Variants in RNLS observed in about 807,000 individuals in gnomAD.
RNLS encodes renalase.
In RNLS, 39 loss-of-function variants were observed where a neutral mutation model predicts 39.8. The ratio of observed to expected loss-of-function variants is 0.98; its 90% confidence interval spans 0.76 to 1.28. The LOEUF (loss-of-function observed/expected upper bound fraction) is 1.28. Among genes scored for constraint, RNLS ranks in the 50% most tolerant of loss-of-function variants. The pLI is 0.00. For missense variants in RNLS, 410 were observed against 413.3 expected, an observed-to-expected ratio of 0.99 and a Z score of 0.07; for synonymous variants, 147 against 150.7, an observed-to-expected ratio of 0.98 and a Z score of 0.18.
At position 88,285,475 on chromosome 10, in the gene RNLS, T is replaced by G. The variant is rs531208546; in HGVS notation, c.908A>C (p.Gln303Pro). The change falls in exon 7 of 7, where the codon CAA becomes CCA. Residue 303 changes from glutamine to proline, a missense_variant. Gln to Pro is a moderately conservative substitution (Grantham distance 76). Transcript: ENST00000331772. The part of the protein sequence containing the change: ...VTNAAANCPG[Q>P]MTLHHKPFLA... Reference sequence around the variant, plus strand: ...GAAAGGTTTGTGATGCAGAGTCATTTGGCCAGGACAGTTGGCAGCAGCATT... The same window carrying G: ...GAAAGGTTTGTGATGCAGAGTCATTGGGCCAGGACAGTTGGCAGCAGCATT... 5.6e-6 allele frequency: 9 copies of G among 1,613,150 alleles called. No individual in the cohort carries two copies. Among genetic ancestry groups the G allele is most frequent in the African/African-American group, 2.7e-5 (2 of 74,978 alleles).
chr10:88,404,211 T>C (rs1564771848), intron 4 of RNLS, among the ~76,000 whole-genome samples: 1 of 152,132 alleles, frequency 6.6e-6, no homozygotes, highest in Non-Finnish European at 1.5e-5. Context: ...ACTTTGTTAT[T>C]ATACATGAGG....
intron 4 of RNLS, among the ~76,000 whole-genome samples, chr10:88,547,108 G>A (rs1389456529): frequency 6.6e-6 from 1 of 152,204 alleles, no homozygotes; most frequent in East Asian, 1.9e-4. Flanking sequence ...TTCTGAAGCA[G>A]TGATCCTAAA....
At chr10:88,394,111 C>T (rs977178999) in intron 4 of RNLS, among the ~76,000 whole-genome samples, 2 of 152,102 alleles carry the variant, frequency 1.3e-5, no homozygotes, top group Admixed American at 1.3e-4. Flanking sequence ...ATAGGCAATA[C>T]CATTAAGGAC....
chr10:88,500,460 T>C (rs542743877), intron 4 of RNLS, among the ~76,000 whole-genome samples: 7 of 152,182 alleles, frequency 4.6e-5, no homozygotes, highest in African/African-American at 1.7e-4. Context: ...GACTCTTGTT[T>C]AGGAACACGT....
intron 4 of RNLS, among the ~76,000 whole-genome samples, chr10:88,426,854 G>A (rs1854805531): frequency 6.6e-6 from 1 of 151,974 alleles, no homozygotes; most frequent in Non-Finnish European, 1.5e-5. Context: ...TACATGGGGA[G>A]GGGAAGCCCT....
chr10:88,474,134 T>C (rs1002197369), intron 4 of RNLS, among the ~76,000 whole-genome samples: 16 of 152,162 alleles, frequency 1.1e-4, no homozygotes, highest in African/African-American at 3.6e-4. Context: ...ATATAAAATA[T>C]GGTAATTGTG....
At chr10:88,343,610 T>A (rs1299129286) in intron 5 of RNLS, 6 of 985,162 alleles carry the variant, frequency 6.1e-6, no homozygotes, top group Non-Finnish European at 7.2e-6. Flanking sequence ...TTTTCCTCTA[T>A]TTTCCTTGTA....
At chr10:88,265,029 G>A in the RNLS span, among the ~76,000 whole-genome samples, 736 of 152,262 alleles carry the variant, frequency 4.8e-3, 4 homozygotes, top group Middle Eastern at 0.01. Context: ...GAGAGATGAG[G>A]ATCCAGTTTT....
Position 88,483,838 on chromosome 10 carries a change from T to C in RNLS, c.526+89065A>G, listed in dbSNP as rs549899448. ...CTCAAAATTACATTACAAAAGAACC[T>C]TACAAATTGGTAGTAGTAACTGAGA... On this transcript the variant is annotated intron_variant, in intron 4 of 6. Coordinates refer to ENST00000331772, the MANE Select transcript of RNLS (RefSeq NM_001031709.3). 2.0e-5 allele frequency among the ~76,000 whole-genome samples: 3 copies of C among 152,212 alleles called. No homozygotes were observed. In the South Asian group the frequency reaches 6.2e-4, roughly 32 times the overall value.
At chr10:88,481,446 T>C (rs1326944410) in intron 4 of RNLS, among the ~76,000 whole-genome samples, 1 of 152,172 alleles carries the variant, frequency 6.6e-6, no homozygotes, top group African/African-American at 2.4e-5. Flanking sequence ...TTAATTCCTA[T>C]ATTGATTTTC....
chr10:88,264,652 T>G, the RNLS span, among the ~76,000 whole-genome samples: 1,061 of 152,354 alleles, frequency 7.0e-3, 7 homozygotes, highest in African/African-American at 0.024. Context: ...AATTGTCTAT[T>G]CATGTCCTTA....
At chr10:88,561,228 G>C (rs571016005) in intron 4 of RNLS, among the ~76,000 whole-genome samples, 4 of 152,162 alleles carry the variant, frequency 2.6e-5, no homozygotes, top group Non-Finnish European at 4.4e-5. Flanking sequence ...ACATAGAGAC[G>C]TTGAGGGCAG....
At chr10:88,174,274 A>T in the RNLS span, among the ~76,000 whole-genome samples, 2 of 151,796 alleles carry the variant, frequency 1.3e-5, no homozygotes, top group African/African-American at 4.9e-5. Flanking sequence ...TCTGGCTAGA[A>T]CTTCCAGTAC....
At chr10:88,580,610 A>C (rs1367665091) in intron 3 of RNLS, among the ~76,000 whole-genome samples, 2 of 152,212 alleles carry the variant, frequency 1.3e-5, no homozygotes, top group Non-Finnish European at 2.9e-5. Flanking sequence ...TCTTTTTTAA[A>C]AGGTCCATTT....
the RNLS span, among the ~76,000 whole-genome samples, chr10:88,228,942 T>G: frequency 4.6e-5 from 7 of 152,192 alleles, no homozygotes; most frequent in African/African-American, 1.7e-4. Context: ...CTCAGACTTT[T>G]CTTTGCATTC....
the RNLS span, among the ~76,000 whole-genome samples, chr10:88,256,128 A>T: frequency 1.3e-5 from 2 of 152,230 alleles, no homozygotes. Flanking sequence ...AAGCGTTCCT[A>T]GTGTAAAGGC....
intron 4 of RNLS, among the ~76,000 whole-genome samples, chr10:88,393,864 A>G (rs982252257): frequency 1.5e-4 from 23 of 152,338 alleles, no homozygotes; most frequent in African/African-American, 5.3e-4. Flanking sequence ...AATGGAACAG[A>G]ACAGAGCCCT....
downstream of RNLS, among the ~76,000 whole-genome samples, chr10:88,279,474 G>A (rs532121135): frequency 2.6e-5 from 4 of 152,046 alleles, no homozygotes; most frequent in African/African-American, 4.8e-5. Context: ...CCTGCGGCTC[G>A]AGACAGAGAC....
At chr10:88,526,861 A>G (rs1166598871) in intron 4 of RNLS, among the ~76,000 whole-genome samples, 2 of 152,072 alleles carry the variant, frequency 1.3e-5, no homozygotes, top group Non-Finnish European at 2.9e-5. Context: ...GGAGGTTAGC[A>G]GTGGGAAACC....
Sources: gnomAD v4.1 joint callset for allele counts (sites outside exome capture counted in the v4.1 genomes callset) on GRCh38, gnomAD v4.1.1 for gene constraint, MANE v1.5 for transcripts, NCBI Gene and HGNC (gene_info 2026-07-23, HGNC 2026-07-21) for gene names.